The following CHRNB2 variants were observed in gnomAD, a reference collection of about 807,000 sequenced individuals.
CHRNB2 encodes neuronal acetylcholine receptor subunit beta-2.
Under a neutral mutation model 42.7 loss-of-function variants are expected in CHRNB2, and 33 were observed. The observed-to-expected ratio is 0.77, with a 90% CI of 0.59 to 1.03. The LOEUF is 1.03. Among genes scored for constraint, CHRNB2 ranks in the 50% least tolerant of loss-of-function variants. CHRNB2 has a pLI of 0.00. For synonymous variants in CHRNB2, 325 were observed against 292.9 expected (o/e 1.11, Z -1.12); for missense variants, 603 against 700.9 (o/e 0.86, Z 1.58).
intron 5 of CHRNB2, among the ~76,000 whole-genome samples, chr1:154,573,228 A>T (rs758355564): frequency 2.6e-5 from 4 of 152,192 alleles, no homozygotes; most frequent in Non-Finnish European, 2.9e-5. Flanking sequence ...GGATTCAGGG[A>T]CTCAGCAGGC....
Position 154,572,180 on chromosome 1 carries a change from G to A in CHRNB2, c.1338+19G>A. ...CCAGAGCGTGAGTGCCGCAGGCTGG[G>A]ACCCCGGGCGTGAGATATGGGGTCT... On this transcript the variant is annotated intron_variant, in intron 5 of 5. Transcript: ENST00000368476. 1.3e-6 allele frequency: 2 copies of A among 1,535,776 alleles called. No homozygotes were observed. Among genetic ancestry groups the A allele is most frequent in the South Asian group, 1.2e-5 (1 of 83,960 alleles).
chr1:154,572,344 G>C (rs1439818785), intron 5 of CHRNB2, among the ~76,000 whole-genome samples, 183 bp downstream of exon 5: 2 of 152,196 alleles, frequency 1.3e-5, no homozygotes, highest in Non-Finnish European at 2.9e-5. Context: ...TGGCTTCCGG[G>C]AGATTGTGCG....
At chr1:154,569,896 C>A in intron 3 of CHRNB2, 60 bp downstream of exon 3, 1 of 1,592,692 alleles carries the variant, frequency 6.3e-7, no homozygotes, top group Non-Finnish European at 8.6e-7. Flanking sequence ...CCTTTTTCCC[C>A]ATGTGCTTTT....
In CHRNB2 at chr1:154,570,275, C is replaced by G; in HGVS notation, c.273C>G (p.Arg91=). ...VWLTQEWEDY[R]LTWKPEEFDN... ...TTTCCCAGGAGTGGGAAGATTATCGCCTCACCTGGAAGCCTGAAGAGTTTG... is the reference window on the plus strand; with the variant it reads ...TTTCCCAGGAGTGGGAAGATTATCGGCTCACCTGGAAGCCTGAAGAGTTTG... Residue 91 remains arginine, a synonymous_variant, in exon 4 of 6, where the codon CGC becomes CGG. Transcript: ENST00000368476. The G allele has an allele frequency of 6.2e-7, 1 of 1,611,206 alleles. No homozygotes were observed. Among genetic ancestry groups the G allele is most frequent in the Non-Finnish European group, 8.5e-7 (1 of 1,178,452 alleles).
intron 5 of CHRNB2, 40 bp downstream of exon 5, chr1:154,572,201 G>A (rs996244767): frequency 5.2e-6 from 8 of 1,534,218 alleles, no homozygotes; most frequent in Non-Finnish European, 7.0e-6. Flanking sequence ...TGAGATATGG[G>A]GTCTGCCAGG....
Position 154,576,252 on chromosome 1 carries a change from G to T in CHRNB2, c.*320G>T. 1 of 428,938 alleles carries T rather than the reference G, an allele frequency of 2.3e-6. No individual in the cohort carries two copies. Among genetic ancestry groups the T allele is most frequent in the Non-Finnish European group, 4.4e-6 (1 of 227,240 alleles). 26.6% of individuals were successfully genotyped at this position (428,938 alleles called of 1,614,324 possible). On this transcript the variant is annotated 3_prime_UTR_variant, in exon 6 of 6. Transcript: ENST00000368476. ...ATCCACCCTGAGGAGTGATGGGCAA[G>T]GGGCCAGGAAGGGGACAGGATTGTC...
At chr1:154,575,633 A>T in intron 5 of CHRNB2, 129 bp from the exon 6 acceptor site, 1 of 1,001,336 alleles carries the variant, frequency 1.0e-6, no homozygotes, top group Non-Finnish European at 1.6e-6. Context: ...GCCATGCTTT[A>T]ACAAGATCAT....
In CHRNB2 at chr1:154,571,481, A is replaced by C. The variant is rs374183227; in HGVS notation, c.658A>C (p.Thr220Pro). Residue 220 changes from threonine (T) to proline (P), a missense_variant, in exon 5 of 6, where the codon ACG (threonine) becomes CCG (proline). This residue lies in a region of CHRNB2 where 333 missense variants were observed against 452.6 expected (regional missense o/e 0.74). Coordinates refer to ENST00000368476, the MANE Select transcript of CHRNB2 (RefSeq NM_000748.3). This position sits in a 1 kb window ranked among gnomAD's most constrained non-coding sequence, Gnocchi z 6.8. The stretch of plus-strand genomic sequence containing the variant: ...GCGCAACGAGAACCCCGACGACTCT[A>C]CGTACGTGGACATCACGTATGACTT... ...GRRNENPDDS[T>P]YVDITYDFII... 46 of 1,613,882 alleles carry C rather than the reference A, an allele frequency of 2.9e-5. No homozygotes were observed. The highest frequency in any genetic ancestry group is 3.5e-5 in the Non-Finnish European group (41 of 1,180,006).
rs1696165127 is a variant in CHRNB2, at chr1:154,571,555, C to CTG, written c.737_738dup (p.Leu247CysfsTer6). The CTG allele has an allele frequency of 6.2e-7, 1 of 1,614,210 alleles. No homozygotes were observed. The highest frequency in any genetic ancestry group is 1.7e-5 in the Admixed American group (1 of 60,030). On this transcript the variant is annotated frameshift_variant, in exon 5 of 6. Transcript: ENST00000368476. LOFTEE classifies it high-confidence loss of function. The surrounding 1 kb of genome is among the most constrained non-coding windows in gnomAD (Gnocchi z 6.8). ...TCTACACCATCAACCTCATCATCCC[C>CTG]TGTGTGCTCATCACCTCGCTAGCCA... is the stretch of plus-strand genomic sequence containing the variant.
At chr1:154,575,688 T>G in intron 5 of CHRNB2, 74 bp from the exon 6 acceptor site, 1 of 1,469,640 alleles carries the variant, frequency 6.8e-7, no homozygotes. Flanking sequence ...GTCTGTGTGG[T>G]GGGACCCGCT....
At chr1:154,569,400 G>C (rs1436777565) in intron 1 of CHRNB2, 62 bp from the exon 2 acceptor site, 2 of 1,602,292 alleles carry the variant, frequency 1.2e-6, no homozygotes, top group East Asian at 4.5e-5. Flanking sequence ...GCCTGGGGAG[G>C]GTGGGATGCT....
chr1:154,571,171 G>C lies in CHRNB2; in HGVS notation c.366-18G>C. The C allele has an allele frequency of 3.1e-6, 5 of 1,614,118 alleles. No homozygotes were observed. The highest frequency in any genetic ancestry group is 2.2e-5 in the East Asian group (1 of 44,880). ...AGGAACGCTTAGGCCAGGGCTGACT[G>C]TGCCCATCCTTTGGCAGTGCTGACG... On this transcript the variant is annotated intron_variant, in intron 4 of 5. Coordinates refer to ENST00000368476, the MANE Select transcript of CHRNB2 (RefSeq NM_000748.3). This position sits in a 1 kb window ranked among gnomAD's most constrained non-coding sequence, Gnocchi z 6.8.
chr1:154,567,941 A>T lies in CHRNB2; in HGVS notation c.-104A>T. 8.9e-7 allele frequency: 1 copy of T among 1,119,728 alleles called. No individual in the cohort carries two copies. Among genetic ancestry groups the T allele is most frequent in the Non-Finnish European group, 1.2e-6 (1 of 845,426 alleles). 69.4% of individuals were successfully genotyped at this position (1,119,728 alleles called of 1,614,324 possible). On this transcript the variant is annotated 5_prime_UTR_variant, in exon 1 of 6. Transcript: ENST00000368476. ...GCCGGCACCACCTGGACCCAGCTCC[A>T]GGCGGGCGCGGCTTCAGCACCACGG...
In CHRNB2 at chr1:154,571,285, A is replaced by G. The variant is rs1358988166; in HGVS notation, c.462A>G (p.Ala154=). The change falls in exon 5 of 6, where the codon GCA becomes GCG. Residue 154 remains alanine, a synonymous_variant. Transcript: ENST00000368476. The surrounding 1 kb of genome is among the most constrained non-coding windows in gnomAD (Gnocchi z 6.8). ...TGCCGCCTGCCATCTACAAGAGCGCATGCAAGATTGAAGTAAAGCACTTCC... is the reference window on the plus strand; with the variant it reads ...TGCCGCCTGCCATCTACAAGAGCGCGTGCAAGATTGAAGTAAAGCACTTCC... The part of the protein sequence containing the change: ...FWLPPAIYKS[A]CKIEVKHFPF... 7 of 1,614,106 alleles carry G rather than the reference A, an allele frequency of 4.3e-6. No individual in the cohort carries two copies. Among genetic ancestry groups the G allele is most frequent in the Non-Finnish European group, 5.9e-6 (7 of 1,180,054 alleles).
chr1:154,576,141 C>T lies in CHRNB2; in HGVS notation c.*209C>T, dbSNP rs896265024. ...GGCTGGACCAACTGCTTTGTTTTGG[C>T]TGCTCTCCATCTCTTGTACCAGCCC... On this transcript the variant is annotated 3_prime_UTR_variant, in exon 6 of 6. Coordinates refer to ENST00000368476, the MANE Select transcript of CHRNB2 (RefSeq NM_000748.3). The T allele has an allele frequency of 1.6e-6, 1 of 631,588 alleles. No homozygotes were observed. Among genetic ancestry groups the T allele is most frequent in the Non-Finnish European group, 2.8e-6 (1 of 352,608 alleles). 39.1% of individuals were successfully genotyped at this position (631,588 alleles called of 1,614,324 possible). A position where few individuals can be genotyped will look rare whatever the true frequency, so the allele number is the denominator to read the frequency against.
Position 154,577,308 on chromosome 1 carries a change from CA to C in CHRNB2, c.*1378del, listed in dbSNP as rs1696301357. The C allele has an allele frequency of 6.6e-6, 1 of 152,338 alleles. No individual in the cohort carries two copies. Among genetic ancestry groups the C allele is most frequent in the African/African-American group, 2.4e-5 (1 of 41,454 alleles). The allele number at this position is 152,338 out of a possible 1,614,324, so 9.4% of individuals were successfully genotyped here. ...TGCACCTGAGGGACCTGACCTGACA[CA>C]AGCCATTTTGTCCCTAGAGCCCAGC... On this transcript the variant is annotated 3_prime_UTR_variant, in exon 6 of 6. Transcript: ENST00000368476.
At chr1:154,569,672 C>T in intron 2 of CHRNB2, 65 bp downstream of exon 2, 1 of 1,612,898 alleles carries the variant, frequency 6.2e-7, no homozygotes, top group Non-Finnish European at 8.5e-7. Flanking sequence ...TGTGTTAATG[C>T]TTGTGTGCTT....
rs1482184544 is a variant in CHRNB2, at chr1:154,568,207, G to A, written c.64+99G>A. On this transcript the variant is annotated intron_variant, in intron 1 of 5. Coordinates refer to ENST00000368476, the MANE Select transcript of CHRNB2 (RefSeq NM_000748.3). The stretch of plus-strand genomic sequence containing the variant: ...ACCCCTGCTAGGCCGGAAGGTGGAA[G>A]AAGGGATTCCCTAGAGGTGGGGGAG... 5.7e-6 allele frequency: 8 copies of A among 1,398,362 alleles called. No homozygotes were observed. The East Asian group carries it at 7.5e-5, about 13-fold the overall frequency. The allele number at this position is 1,398,362 out of a possible 1,614,324, so 86.6% of individuals were successfully genotyped here. A position where few individuals can be genotyped will look rare whatever the true frequency, so the allele number is the denominator to read the frequency against.
intron 4 of CHRNB2, among the ~76,000 whole-genome samples, chr1:154,570,732 T>TGTC (rs951547845): frequency 6.6e-6 from 1 of 152,184 alleles, no homozygotes; most frequent in African/African-American, 2.4e-5. Context: ...GGTTCTATCC[T>TGTC]GTCTCCTGCA....
Sources: gnomAD v4.1 joint callset for allele counts (sites outside exome capture counted in the v4.1 genomes callset) on GRCh38, gnomAD v4.1.1 for gene constraint, gnomAD v4.1.1 regional missense constraint, Gnocchi (gnomAD v3.1) non-coding constraint, MANE v1.5 for transcripts, NCBI Gene and HGNC (gene_info 2026-07-23, HGNC 2026-07-21) for gene names.